The following FAAH2 variants were observed in gnomAD, a reference collection of about 807,000 sequenced individuals.
FAAH2 encodes fatty-acid amide hydrolase 2.
In FAAH2, 60 loss-of-function variants were observed where a neutral mutation model predicts 36.9. The observed-to-expected ratio is 1.63, with a 90% CI of 1.32 to 2.02. The LOEUF is 2.02. FAAH2 is among the 30% of genes most tolerant of loss of function. FAAH2 has a pLI of 0.00. For missense variants in FAAH2, 689 were observed against 397.5 expected (o/e 1.73, Z -6.23); for synonymous variants, 214 against 143.8 (o/e 1.49, Z -3.49).
chrX:57,136,938 C>T, the FAAH2 span: 1 of 833,522 alleles, frequency 1.2e-6, no homozygotes. Flanking sequence ...GCGGCCTTGA[C>T]CAGCACCCAC....
intron 7 of FAAH2, among the ~76,000 whole-genome samples, chrX:57,388,164 G>A (rs1190115888): frequency 3.6e-5 from 4 of 111,206 alleles, no homozygotes; most frequent in Admixed American, 9.6e-5. Flanking sequence ...TTTTAATATG[G>A]CATAATACAT....
chrX:57,405,465 C>T (rs183264604), intron 7 of FAAH2, among the ~76,000 whole-genome samples: 6 of 109,424 alleles, frequency 5.5e-5, no homozygotes, highest in Admixed American at 2.0e-4. Context: ...GTCTTTAGCC[C>T]GATTGGGAGC....
the FAAH2 span, among the ~76,000 whole-genome samples, chrX:57,279,077 A>G: frequency 8.9e-6 from 1 of 112,366 alleles, no homozygotes; most frequent in Non-Finnish European, 1.9e-5. Flanking sequence ...TAGAATTGCC[A>G]TTTGTCCCAG....
At chrX:57,164,732 G>C in the FAAH2 span, among the ~76,000 whole-genome samples, 2,408 of 112,281 alleles carry the variant, frequency 0.021, 78 homozygotes, top group African/African-American at 0.074. Context: ...ATTTTGCAGT[G>C]GCATTTCTGG....
chrX:57,321,139 C>A (rs868143631), intron 3 of FAAH2, among the ~76,000 whole-genome samples: 2 of 98,082 alleles, frequency 2.0e-5, no homozygotes, highest in South Asian at 4.7e-4. Context: ...GACTCCATCT[C>A]AAAAAAAAAA....
intron 5 of FAAH2, among the ~76,000 whole-genome samples, chrX:57,369,235 T>C (rs910159681): frequency 7.2e-5 from 8 of 110,869 alleles, no homozygotes; most frequent in Non-Finnish European, 1.3e-4. Flanking sequence ...AAATAGGTGG[T>C]ACATCATTAA....
At chrX:57,438,851 G>A (rs1411288490) in intron 8 of FAAH2, among the ~76,000 whole-genome samples, 10 of 105,132 alleles carry the variant, frequency 9.5e-5, no homozygotes, top group Non-Finnish European at 1.9e-4. Flanking sequence ...AACATGCGGT[G>A]TTTGGTTTTT....
the FAAH2 span, among the ~76,000 whole-genome samples, chrX:57,200,931 C>T: frequency 2.7e-5 from 3 of 110,907 alleles, no homozygotes; most frequent in African/African-American, 9.8e-5. Context: ...CTCCCTTTGG[C>T]ATTTCTCATA....
the FAAH2 span, among the ~76,000 whole-genome samples, chrX:57,278,300 C>T: frequency 5.4e-5 from 6 of 111,613 alleles, no homozygotes; most frequent in East Asian, 1.7e-3. Context: ...TGATCTTTGA[C>T]AAACCTGACA....
chrX:57,444,282 G>A (rs1308908373), intron 8 of FAAH2, among the ~76,000 whole-genome samples: 1 of 112,003 alleles, frequency 8.9e-6, no homozygotes, highest in Admixed American at 9.4e-5. Flanking sequence ...CAGCCGTTTT[G>A]TTTACCTAGT....
intron 5 of FAAH2, among the ~76,000 whole-genome samples, chrX:57,346,361 T>C (rs1437298574): frequency 1.8e-5 from 2 of 111,857 alleles, no homozygotes; most frequent in African/African-American, 6.5e-5. Flanking sequence ...GAATCCTCTA[T>C]CATTATATTA....
chrX:57,336,979 TA>T (rs2053567404), intron 4 of FAAH2, among the ~76,000 whole-genome samples: 3 of 102,037 alleles, frequency 2.9e-5, no homozygotes, highest in Non-Finnish European at 6.0e-5. Context: ...AAAAAAAAAA[TA>T]AATAAATAAA....
At chrX:57,177,448 G>C in the FAAH2 span, among the ~76,000 whole-genome samples, 2 of 102,909 alleles carry the variant, frequency 1.9e-5, no homozygotes, top group East Asian at 6.0e-4. Context: ...TACACTTAAA[G>C]TATAATAATA....
In FAAH2 at chrX:57,352,091, T is replaced by TATATAC. The variant is rs1569284022; in HGVS notation, c.742+10701_742+10702insATATAC. Among the ~76,000 whole-genome samples the TATATAC allele has an allele frequency of 2.9e-4, 7 of 23,891 alleles. 1 individual carries two copies. Among genetic ancestry groups the TATATAC allele is most frequent in the African/African-American group, 2.3e-3 (7 of 3,106 alleles). The allele number at this position is 23,891 out of a possible 115,157, so 20.7% of individuals were successfully genotyped here. Reference sequence around the variant, plus strand: ...ACACATATATATATGTGTATATATATGCACATATATATATATGTGTATATA... The same window carrying TATATAC: ...ACACATATATATATGTGTATATATATATATACGCACATATATATATATGTGTATATA... On this transcript the variant is annotated intron_variant, in intron 5 of 10. Coordinates refer to ENST00000374900, the MANE Select transcript of FAAH2 (RefSeq NM_174912.4).
At chrX:57,248,115 T>C in the FAAH2 span, among the ~76,000 whole-genome samples, 1 of 112,017 alleles carries the variant, frequency 8.9e-6, no homozygotes, top group Non-Finnish European at 1.9e-5. Context: ...GAGAAGAACA[T>C]ATAGAATAAA....
chrX:57,245,799 A>G, the FAAH2 span, among the ~76,000 whole-genome samples: 1 of 112,334 alleles, frequency 8.9e-6, no homozygotes, highest in Non-Finnish European at 1.9e-5. Flanking sequence ...TGAAAACCTA[A>G]CATCACAATT....
At chrX:57,186,162 G>T in the FAAH2 span, among the ~76,000 whole-genome samples, 25 of 111,720 alleles carry the variant, frequency 2.2e-4, no homozygotes, top group East Asian at 6.7e-3. Context: ...TTCCACAATG[G>T]TTGAACTAAT....
At chrX:57,147,697 C>T in the FAAH2 span, among the ~76,000 whole-genome samples, 5 of 111,629 alleles carry the variant, frequency 4.5e-5, no homozygotes, top group South Asian at 3.7e-4. Flanking sequence ...CGTAGGTTAA[C>T]GCTATCAGCT....
chrX:57,203,571 A>C, the FAAH2 span, among the ~76,000 whole-genome samples: 1 of 112,315 alleles, frequency 8.9e-6, no homozygotes, highest in African/African-American at 3.2e-5. Flanking sequence ...AAGTGGCTTT[A>C]TCACAGTGAG....
Sources: allele counts gnomAD v4.1 joint callset (sites outside exome capture counted in the v4.1 genomes callset), GRCh38; gene constraint gnomAD v4.1.1; transcripts MANE v1.5; gene names NCBI Gene and HGNC (gene_info 2026-07-23, HGNC 2026-07-21).